Variants in KIAA1217 observed in about 807,000 individuals in gnomAD.
KIAA1217 encodes KIAA1217.
A neutral mutation model predicts 163.9 loss-of-function variants in KIAA1217; 88 were observed. The ratio of observed to expected loss-of-function variants is 0.54; its 90% CI spans 0.45 to 0.64. The LOEUF (loss-of-function observed/expected upper bound fraction) is 0.64, where lower values mean the gene tolerates loss of function less well. Among genes scored for constraint, KIAA1217 ranks in the 30% least tolerant of loss-of-function variants. The pLI, the probability that KIAA1217 is intolerant of heterozygous loss-of-function variation, is 0.00. For missense variants in KIAA1217, 2,372 were observed against 2,475.0 expected (o/e 0.96, Z 0.88); for synonymous variants, 903 against 923.1 (o/e 0.98, Z 0.39).
chr10:24,061,434 A>G (rs2060717804), intron 2 of KIAA1217, among the ~76,000 whole-genome samples: 2 of 152,226 alleles, frequency 1.3e-5, no homozygotes, highest in Admixed American at 6.5e-5. Context: ...CACTAATGTT[A>G]CAGTAATAAC....
chr10:24,101,546 T>C (rs939752688), intron 2 of KIAA1217, among the ~76,000 whole-genome samples: 1 of 152,320 alleles, frequency 6.6e-6, no homozygotes, highest in Non-Finnish European at 1.5e-5. Flanking sequence ...ATTCATATTC[T>C]GTTTGCACAT....
At chr10:23,931,176 G>C (rs1003269895) in intron 1 of KIAA1217, among the ~76,000 whole-genome samples, 6 of 152,020 alleles carry the variant, frequency 3.9e-5, no homozygotes, top group African/African-American at 1.2e-4. Flanking sequence ...CAAACATTAT[G>C]TTAAATTCAT....
At chr10:23,916,622 T>A (rs1221915654) in intron 1 of KIAA1217, among the ~76,000 whole-genome samples, 1 of 152,122 alleles carries the variant, frequency 6.6e-6, no homozygotes, top group Non-Finnish European at 1.5e-5. Context: ...AAGTGGTGAT[T>A]GGAGAGTTTC....
chr10:24,360,631 T>C (rs954545867), intron 2 of KIAA1217, among the ~76,000 whole-genome samples: 3 of 152,178 alleles, frequency 2.0e-5, no homozygotes, highest in Non-Finnish European at 4.4e-5. Flanking sequence ...TGTGTCTTGT[T>C]TCCTCTTGAA....
chr10:24,177,818 T>TA (rs1045757336), intron 2 of KIAA1217, among the ~76,000 whole-genome samples: 7 of 152,086 alleles, frequency 4.6e-5, no homozygotes, highest in African/African-American at 1.4e-4. Context: ...AAATGCCCTG[T>TA]AAAAAACAAA....
At chr10:24,299,044 C>T (rs1164115728) in intron 2 of KIAA1217, among the ~76,000 whole-genome samples, 1 of 152,044 alleles carries the variant, frequency 6.6e-6, no homozygotes, top group Non-Finnish European at 1.5e-5. Context: ...AGATAATGAC[C>T]TTAAAACACC....
rs1200943899 is a variant in KIAA1217, at chr10:24,489,162, C to A, written c.1680-5338C>A. ...GCCAGAATACTGCAGTTGTTACTGA[C>A]TACAGTGGGTTGAGGCTGCAGTGAG... On this transcript the variant is annotated intron_variant, in intron 6 of 20. Transcript: ENST00000376454. Among the ~76,000 whole-genome samples the A allele has an allele frequency of 5.3e-5, 8 of 151,872 alleles. No homozygotes were observed. In the East Asian group the frequency reaches 1.5e-3, roughly 29 times the overall value.
Position 24,546,210 on chromosome 10 carries a change from G to A in KIAA1217, c.5718G>A (p.Leu1906=). ...CTTCTCCTGCCTCCTCCGTCTCACTGAATCAAGGTGCCAAGGGCACCAGGA... is the reference window on the plus strand; with the variant it reads ...CTTCTCCTGCCTCCTCCGTCTCACTAAATCAAGGTGCCAAGGGCACCAGGA... ...SPPSPASSVS[L]NQGAKGTRTI... The change falls in exon 21 of 21, where the codon CTG becomes CTA. Residue 1906 remains leucine (L), a synonymous_variant. Transcript: ENST00000376454. The A allele has an allele frequency of 6.2e-7, 1 of 1,614,100 alleles. No individual in the cohort carries two copies. Among genetic ancestry groups the A allele is most frequent in the South Asian group, 1.1e-5 (1 of 91,080 alleles).
rs1442876205 is a variant in KIAA1217 at position 24,542,898 on chromosome 10, G to A, written c.3628G>A (p.Val1210Ile). 3.1e-6 allele frequency: 5 copies of A among 1,611,012 alleles called. No homozygotes were observed. The African/African-American group carries it at 5.3e-5, about 17-fold the overall frequency. ...MEFQKVTTGA[V>I]RPSDPPKWER... ...TCCCTCTCAGGTTACCACAGGGGCT[G>A]TAAGACCTAGTGACCCTCCTAAGTG... is the stretch of plus-strand genomic sequence containing the variant. The change falls in exon 19 of 21, where the codon GTA becomes ATA. Residue 1210 changes from valine (V) to isoleucine (I), a missense_variant. Around this residue, in one of 3 missense-constraint regions of KIAA1217, gnomAD observed 251 missense variants for 327.3 expected, o/e 0.77. Coordinates refer to ENST00000376454, the MANE Select transcript of KIAA1217 (RefSeq NM_019590.5).
At chr10:24,427,349 G>A (rs1246804949) in intron 3 of KIAA1217, among the ~76,000 whole-genome samples, 1 of 152,176 alleles carries the variant, frequency 6.6e-6, no homozygotes, top group Non-Finnish European at 1.5e-5. Context: ...GCCTAAAAGT[G>A]TGAGGATAGC....
At chr10:24,500,184 AGTGTGTGTGT>A (rs57872451) in intron 8 of KIAA1217, among the ~76,000 whole-genome samples, 5 of 143,258 alleles carry the variant, frequency 3.5e-5, no homozygotes, top group South Asian at 2.3e-4. Flanking sequence ...ACTGAACAGA[AGTGTGTGTGT>A]GTGTGTGTGT....
intron 1 of KIAA1217, among the ~76,000 whole-genome samples, chr10:23,718,142 C>T (rs1306648085): frequency 6.6e-6 from 1 of 152,102 alleles, no homozygotes; most frequent in Non-Finnish European, 1.5e-5. Flanking sequence ...AGTTCCAAAA[C>T]CAATGGCCAA....
chr10:24,094,366 C>A (rs2062064060), intron 2 of KIAA1217, among the ~76,000 whole-genome samples: 1 of 152,176 alleles, frequency 6.6e-6, no homozygotes, highest in Non-Finnish European at 1.5e-5. Context: ...GTGGTTTTAT[C>A]TACTTTTGGT....
chr10:24,150,888 AG>A (rs2131857963), intron 2 of KIAA1217, among the ~76,000 whole-genome samples: 1 of 152,310 alleles, frequency 6.6e-6, no homozygotes, highest in African/African-American at 2.4e-5. Context: ...ATCTTTCCCC[AG>A]GGGGTACTGA....
In KIAA1217 at chr10:24,002,261, C is replaced by T. The variant is rs1846775234; in HGVS notation, c.-320-4964C>T. Among the ~76,000 whole-genome samples the T allele has an allele frequency of 5.3e-5, 8 of 152,168 alleles. No homozygotes were observed. In the South Asian group the frequency reaches 1.7e-3, roughly 32 times the overall value. On this transcript the variant is annotated intron_variant, in intron 1 of 18. Coordinates refer to the KIAA1217 transcript ENST00000376462. ...GTAACTAGCAACTTCTAGTCAGGGC[C>T]ACAGTCACTTGTGGTTCTTTCCAAT...
chr10:23,996,767 C>T (rs1846505444), intron 1 of KIAA1217, among the ~76,000 whole-genome samples: 1 of 151,946 alleles, frequency 6.6e-6, no homozygotes, highest in African/African-American at 2.4e-5. Flanking sequence ...TAACTTTGAT[C>T]TTTATTGTTT....
intron 2 of KIAA1217, among the ~76,000 whole-genome samples, chr10:24,011,171 T>G (rs1392383553): frequency 6.6e-6 from 1 of 152,084 alleles, no homozygotes; most frequent in Non-Finnish European, 1.5e-5. Context: ...TCCAGAACAT[T>G]GGATAGGTAT....
At chr10:24,412,009 G>C (rs2057826625) in intron 3 of KIAA1217, among the ~76,000 whole-genome samples, 1 of 152,076 alleles carries the variant, frequency 6.6e-6, no homozygotes, top group African/African-American at 2.4e-5. Context: ...ATCGCCGAGG[G>C]TGGGTTAGTA....
intron 2 of KIAA1217, among the ~76,000 whole-genome samples, chr10:24,350,538 G>A (rs1189852109): frequency 1.3e-5 from 2 of 152,042 alleles, no homozygotes; most frequent in African/African-American, 2.4e-5. Context: ...TTCATGATCC[G>A]TTCAGACTAC....
Sources: allele counts gnomAD v4.1 joint callset (sites outside exome capture counted in the v4.1 genomes callset), GRCh38; gene constraint gnomAD v4.1.1; regional missense constraint gnomAD v4.1.1; transcripts MANE v1.5; gene names NCBI Gene and HGNC (gene_info 2026-07-23, HGNC 2026-07-21).